Variants in THBS2 observed in about 807,000 individuals in gnomAD.
THBS2 encodes thrombospondin 2.
Under a neutral mutation model 135.2 loss-of-function variants are expected in THBS2, and 47 were observed. That is an observed-to-expected ratio of 0.35 (90% CI 0.28 to 0.44). The LOEUF is 0.44. THBS2 is among the 20% of genes least tolerant of loss of function. THBS2 has a pLI of 1.00. For synonymous variants in THBS2, 639 were observed against 633.8 expected (o/e 1.01, Z -0.12); for missense variants, 1,288 against 1,603.1 (o/e 0.80, Z 3.36).
At chr6:169,218,837 GGATGGATGGATAA>G (rs1455631332) in intron 21 of THBS2, among the ~76,000 whole-genome samples, 4 of 150,298 alleles carry the variant, frequency 2.7e-5, no homozygotes, top group South Asian at 2.1e-4. Flanking sequence ...TGAGATGGAT[GGATGGATGGATAA>G]GATGGATGGA....
At chr6:169,220,071 G>T in intron 21 of THBS2, 127 bp downstream of exon 21, 1 of 1,201,212 alleles carries the variant, frequency 8.3e-7, no homozygotes. Flanking sequence ...GGGCTCATGT[G>T]TGGTATTGTG....
At chr6:169,242,848 TGCTCCCAC>T (rs1780389295) in intron 4 of THBS2, among the ~76,000 whole-genome samples, 9 of 7,644 alleles carry the variant, frequency 1.2e-3, no homozygotes, top group African/African-American at 4.0e-3. Context: ...ACCTTCCCAC[TGCTCCCAC>T]CTTCCCACCT....
intron 1 of THBS2, among the ~76,000 whole-genome samples, chr6:169,253,207 C>A (rs892508302): frequency 1.3e-5 from 2 of 152,192 alleles, no homozygotes; most frequent in Non-Finnish European, 2.9e-5. Flanking sequence ...TGTTAACAAT[C>A]AGAGTCTCTC....
At position 169,240,111 on chromosome 6, in the gene THBS2, C is replaced by T. The variant is rs76612088; in HGVS notation, c.1032+341G>A. Among the ~76,000 whole-genome samples, 379 of 152,324 alleles carry T rather than the reference C, an allele frequency of 2.5e-3. 1 individual carries two copies. Among genetic ancestry groups the T allele is most frequent in the African/African-American group, 8.8e-3 (367 of 41,580 alleles). ...GGCAGTGGCTTGTATTTCCCCCAAACGTTTCTGCTGAGCCTCAGGCTCTGT... is the reference window on the plus strand; with the variant it reads ...GGCAGTGGCTTGTATTTCCCCCAAATGTTTCTGCTGAGCCTCAGGCTCTGT... On this transcript the variant is annotated intron_variant, in intron 6 of 21. Coordinates refer to ENST00000617924, the MANE Select transcript of THBS2 (RefSeq NM_003247.5).
rs1204007032 is a variant in THBS2 at position 169,234,846 on chromosome 6, C to A, written c.1539G>T (p.Gly513=). 1 of 1,613,136 alleles carries A rather than the reference C, an allele frequency of 6.2e-7. No homozygotes were observed. ...TGCAGACCCGGGTGCGCTCCCGGAT[C>A]CCACCGGCACAGGTGACAGTGCAGG... ...WSACTVTCAG[G]IRERTRVCNS... is the part of the protein sequence containing the mutation. The change falls in exon 10 of 22, where the codon GGG becomes GGT. Residue 513 remains glycine, a synonymous_variant. Transcript: ENST00000617924.
chr6:169,237,569 A>G (rs963318590), intron 8 of THBS2, 56 bp downstream of exon 8: 14 of 1,604,498 alleles, frequency 8.7e-6, no homozygotes, highest in East Asian at 4.5e-5. Context: ...CCGATGACTG[A>G]GAGAAACGCG....
chr6:169,236,343 TCCCCATCCACACTC>T (rs1780068415), intron 9 of THBS2, among the ~76,000 whole-genome samples: 1 of 22,206 alleles, frequency 4.5e-5, no homozygotes, highest in African/African-American at 1.4e-4. Context: ...CCACACTCAC[TCCCCATCCACACTC>T]CCCATCCACA....
chr6:169,232,613 T>C, intron 12 of THBS2, 51 bp downstream of exon 12: 1 of 1,547,192 alleles, frequency 6.5e-7, no homozygotes, highest in Non-Finnish European at 8.7e-7. Context: ...TGAGCTCATC[T>C]GATTTTTCCA....
chr6:169,240,476 G>A lies in THBS2; in HGVS notation c.1008C>T (p.Asp336=). 1.2e-6 allele frequency: 2 copies of A among 1,613,794 alleles called. No individual in the cohort carries two copies. The highest frequency in any genetic ancestry group is 1.7e-6 in the Non-Finnish European group (2 of 1,180,014). The change falls in exon 6 of 22, where the codon GAC becomes GAT. Residue 336 remains aspartate (D), a synonymous_variant. Transcript: ENST00000617924. The part of the protein sequence containing the change: ...FFAENETWVV[D]SCTTCTCKKF... ...CCTTGCAGGTACACGTGGTGCAGCTGTCCACCACCCACGTTTCATTTTCCG... is the reference window on the plus strand; with the variant it reads ...CCTTGCAGGTACACGTGGTGCAGCTATCCACCACCCACGTTTCATTTTCCG...
At position 169,229,586 on chromosome 6, in the gene THBS2, C is replaced by G. The variant is rs773512571; in HGVS notation, c.2245G>C (p.Val749Leu). The change falls in exon 14 of 22, where the codon GTG becomes CTG. Residue 749 changes from valine (V) to leucine (L), a missense_variant. Around this residue, in one of 2 missense-constraint regions of THBS2, gnomAD observed 874 missense variants for 1,156.1 expected, o/e 0.76. Transcript: ENST00000617924. ...ACDDDDDNDG[V>L]TDEKDNCQLL... ...GCTGCTCCTACCTTCTCATCGGTCA[C>G]ACCGTCATTGTCATCGTCATCATCA... is the stretch of plus-strand genomic sequence containing the variant. The G allele has an allele frequency of 1.2e-6, 2 of 1,613,964 alleles. No homozygotes were observed. The highest frequency in any genetic ancestry group is 1.7e-6 in the Non-Finnish European group (2 of 1,179,960).
chr6:169,243,390 C>T (rs12214728), intron 4 of THBS2, among the ~76,000 whole-genome samples: 26,972 of 152,272 alleles, frequency 0.18, 3,064 homozygotes, highest in East Asian at 0.41. Flanking sequence ...GAGCTCACCT[C>T]ACCCCCATGT....
intron 17 of THBS2, 93 bp downstream of exon 17, chr6:169,225,052 A>G: frequency 7.9e-7 from 1 of 1,264,754 alleles, no homozygotes; most frequent in Non-Finnish European, 1.1e-6. Flanking sequence ...CCAGCAGCAG[A>G]TTTAAGATGA....
chr6:169,217,243 TTA>T lies in THBS2; in HGVS notation c.*577_*578del, dbSNP rs1466425708. 1 of 152,374 alleles carries T rather than the reference TTA, an allele frequency of 6.6e-6. No homozygotes were observed. The highest frequency in any genetic ancestry group is 1.5e-5 in the Non-Finnish European group (1 of 68,148). 9.4% of individuals were successfully genotyped at this position (152,374 alleles called of 1,614,324 possible). A position where few individuals can be genotyped will look rare whatever the true frequency, so the allele number is the denominator to read the frequency against. ...ATGTTCCGATTAGTTAATCGGTAGC[TTA>T]TGTCATTTGCTATGCCTGTTGTCTT... is the stretch of plus-strand genomic sequence containing the variant. On this transcript the variant is annotated 3_prime_UTR_variant, in exon 22 of 22. Transcript: ENST00000617924.
At chr6:169,218,863 A>G (rs1779303765) in intron 21 of THBS2, among the ~76,000 whole-genome samples, 1 of 132,804 alleles carries the variant, frequency 7.5e-6, no homozygotes, top group African/African-American at 2.9e-5. Context: ...TGGATGGATA[A>G]GTGCTGGGTG....
chr6:169,248,285 CG>C (rs1780626679), intron 3 of THBS2, 131 bp downstream of exon 3: 1 of 1,060,774 alleles, frequency 9.4e-7, no homozygotes, highest in Non-Finnish European at 1.4e-6. Context: ...GAGCACATGC[CG>C]GGATGTGCAG....
intron 20 of THBS2, 53 bp downstream of exon 20, chr6:169,221,377 C>A (rs115008606): frequency 6.6e-7 from 1 of 1,515,994 alleles, no homozygotes; most frequent in African/African-American, 1.4e-5. Flanking sequence ...TCAAATGTGC[C>A]GTCCGATGGG....
intron 2 of THBS2, among the ~76,000 whole-genome samples, chr6:169,249,562 C>T (rs1780685569): frequency 6.6e-6 from 1 of 152,168 alleles, no homozygotes; most frequent in Admixed American, 6.5e-5. Flanking sequence ...TGCCTAAAAC[C>T]AGTTATGTCA....
At chr6:169,237,420 T>A in intron 8 of THBS2, 74 bp from the exon 9 acceptor site, 5 of 1,577,804 alleles carry the variant, frequency 3.2e-6, no homozygotes, top group Non-Finnish European at 3.5e-6. Flanking sequence ...TGTGCCTTAT[T>A]AACCGAGGAG....
At chr6:169,221,638 G>A in intron 19 of THBS2, 111 bp from the exon 20 acceptor site, 1 of 834,604 alleles carries the variant, frequency 1.2e-6, no homozygotes, top group South Asian at 1.4e-5. Context: ...CATGCTTAAG[G>A]CTCATGGTGC....
Sources: allele counts gnomAD v4.1 joint callset (sites outside exome capture counted in the v4.1 genomes callset), GRCh38; gene constraint gnomAD v4.1.1; regional missense constraint gnomAD v4.1.1; transcripts MANE v1.5; gene names NCBI Gene and HGNC (gene_info 2026-07-23, HGNC 2026-07-21).